DAB1: variants seen among roughly 807,000 people sequenced by gnomAD.
DAB1 encodes the protein disabled homolog 1.
In DAB1, 15 loss-of-function variants were observed where a neutral mutation model predicts 64.6. The observed-to-expected ratio is 0.23, with a 90% CI of 0.16 to 0.36. The LOEUF (loss-of-function observed/expected upper bound fraction) is 0.36, where lower values mean the gene tolerates loss of function less well. DAB1 is among the 10% of genes least tolerant of loss of function. The pLI is 1.00. For missense variants in DAB1, 596 were observed against 706.7 expected, an observed-to-expected ratio of 0.84 and a Z score of 1.78; for synonymous variants, 235 against 251.9, an observed-to-expected ratio of 0.93 and a Z score of 0.64.
intron 1 of DAB1, among the ~76,000 whole-genome samples, chr1:57,294,133 G>T (rs1673003369): frequency 6.6e-6 from 1 of 152,176 alleles, no homozygotes; most frequent in Admixed American, 6.5e-5. Flanking sequence ...TAATTAAGGA[G>T]ATTAAAGTCC....
At chr1:58,334,028 T>C in intron 4 of DAB1, among the ~76,000 whole-genome samples, 1 of 152,194 alleles carries the variant, frequency 6.6e-6, no homozygotes, top group Non-Finnish European at 1.5e-5. Flanking sequence ...TGTAATAAGA[T>C]CATATCTTCT....
In DAB1 at chr1:57,993,135, C is replaced by G. The variant is rs148731626; in HGVS notation, n.388-108973G>C. Among the ~76,000 whole-genome samples the G allele has an allele frequency of 8.5e-5, 13 of 152,186 alleles. No individual in the cohort carries two copies. In the East Asian group the frequency reaches 2.3e-3, roughly 27 times the overall value. Reference sequence around the variant, plus strand: ...ACTTAACACTTTCATGAGCACTTACCCTGAGCACAACACATTTAGGGTGAT... The same window carrying G: ...ACTTAACACTTTCATGAGCACTTACGCTGAGCACAACACATTTAGGGTGAT... On this transcript the variant is annotated intron_variant and non_coding_transcript_variant, in intron 5 of 20. Transcript: ENST00000485760.
At chr1:58,118,469 C>CATATATATATATAT (rs370100684) in intron 5 of DAB1, among the ~76,000 whole-genome samples, 11 of 22,036 alleles carry the variant, frequency 5.0e-4, no homozygotes, top group South Asian at 1.7e-3. Flanking sequence ...TATCCTAAGG[C>CATATATATATATAT]ATATATATAT....
At chr1:58,301,818 T>C (rs959378040) in intron 4 of DAB1, among the ~76,000 whole-genome samples, 1 of 152,186 alleles carries the variant, frequency 6.6e-6, no homozygotes, top group African/African-American at 2.4e-5. Context: ...AATCTTACTG[T>C]ACCTCAGATC....
intron 1 of DAB1, among the ~76,000 whole-genome samples, chr1:57,418,638 G>T (rs2991515): frequency 6.6e-6 from 1 of 151,792 alleles, no homozygotes; most frequent in Non-Finnish European, 1.5e-5. Flanking sequence ...CAAAATTTTC[G>T]TCATTTTAGC....
chr1:57,711,352 T>C (rs1647027171), intron 6 of DAB1, among the ~76,000 whole-genome samples: 1 of 152,238 alleles, frequency 6.6e-6, no homozygotes. Context: ...CAAAGGTGGT[T>C]TCAATCCCTC....
intron 2 of DAB1, among the ~76,000 whole-genome samples, chr1:57,273,104 G>A (rs1486999491): frequency 2.0e-5 from 3 of 152,168 alleles, no homozygotes; most frequent in Non-Finnish European, 4.4e-5. Flanking sequence ...TTGCCTATGT[G>A]GCATGGGCTG....
At chr1:57,749,083 T>A (rs1337093465) in intron 6 of DAB1, among the ~76,000 whole-genome samples, 1 of 152,204 alleles carries the variant, frequency 6.6e-6, no homozygotes, top group Non-Finnish European at 1.5e-5. Flanking sequence ...TGTTATGGAC[T>A]GAATATTCTC....
chr1:58,280,746 T>C (rs1267757883), intron 4 of DAB1, among the ~76,000 whole-genome samples: 1 of 152,182 alleles, frequency 6.6e-6, no homozygotes, highest in Non-Finnish European at 1.5e-5. Context: ...TGCCCTTGGA[T>C]CTTGCAGAAT....
rs181746645 is a variant in DAB1 at position 57,635,006 on chromosome 1, C to T, written n.625+14586G>A. Among the ~76,000 whole-genome samples, 13 of 152,178 alleles carry T rather than the reference C, an allele frequency of 8.5e-5. No individual in the cohort carries two copies. In the East Asian group the frequency reaches 9.7e-4, roughly 11 times the overall value. ...CTGGAGGACAGTCTAGGCAGAGGGACGGCCAGTTCAGCATCTCTGAGATGG... is the reference window on the plus strand; with the variant it reads ...CTGGAGGACAGTCTAGGCAGAGGGATGGCCAGTTCAGCATCTCTGAGATGG... On this transcript the variant is annotated intron_variant and non_coding_transcript_variant, in intron 7 of 20. Coordinates refer to the DAB1 transcript ENST00000485760.
intron 5 of DAB1, among the ~76,000 whole-genome samples, chr1:57,989,741 A>G (rs1037769676): frequency 6.6e-6 from 1 of 152,150 alleles, no homozygotes; most frequent in African/African-American, 2.4e-5. Context: ...AAAAAGATGC[A>G]CCAGGACATT....
chr1:57,490,611 GT>G (rs1163870715), intron 7 of DAB1, among the ~76,000 whole-genome samples: 1 of 152,038 alleles, frequency 6.6e-6, no homozygotes, highest in Non-Finnish European at 1.5e-5. Flanking sequence ...ACTTGTTCTG[GT>G]TTCAGTTTAC....
In DAB1 at chr1:58,501,912, C is replaced by T. The variant is rs186574040; in HGVS notation, n.257+4148G>A. Among the ~76,000 whole-genome samples, 676 of 152,112 alleles carry T rather than the reference C, an allele frequency of 4.4e-3. 2 individuals are homozygous for T. Among genetic ancestry groups the T allele is most frequent in the Middle Eastern group, 0.014 (4 of 294 alleles). On this transcript the variant is annotated intron_variant and non_coding_transcript_variant, in intron 3 of 20. Coordinates refer to the DAB1 transcript ENST00000485760. ...ATAAAAAGAGACATAAGAGAGCTGC[C>T]TCTCCCTCCTCACTGCCCCCCACTC...
At chr1:57,246,147 T>G (rs1267594313) in intron 2 of DAB1, among the ~76,000 whole-genome samples, 1 of 152,158 alleles carries the variant, frequency 6.6e-6, no homozygotes, top group African/African-American at 2.4e-5. Flanking sequence ...TTAACAGCCA[T>G]GATAATGGGG....
chr1:58,498,693 T>C (rs1419445293), intron 3 of DAB1, among the ~76,000 whole-genome samples: 1 of 152,220 alleles, frequency 6.6e-6, no homozygotes, highest in Non-Finnish European at 1.5e-5. Flanking sequence ...TTGAATTCTC[T>C]TTTGAACTAG....
chr1:58,127,272 T>C (rs1157911703), intron 5 of DAB1, among the ~76,000 whole-genome samples: 3 of 152,256 alleles, frequency 2.0e-5, no homozygotes, highest in South Asian at 4.1e-4. Context: ...GAGAAGTGTC[T>C]GTTCATGTTC....
At chr1:57,826,732 T>A (rs1652367029) in intron 1 of DAB1, among the ~76,000 whole-genome samples, 1 of 152,138 alleles carries the variant, frequency 6.6e-6, no homozygotes, top group Admixed American at 6.5e-5. Context: ...CCCAGAGCAA[T>A]ACTGGCAGCA....
At chr1:57,801,743 G>A (rs745908717) in intron 6 of DAB1, among the ~76,000 whole-genome samples, 7 of 151,816 alleles carry the variant, frequency 4.6e-5, no homozygotes, top group East Asian at 1.9e-4. Context: ...CTGCAGCCTC[G>A]ACTTCCTGGG....
intron 3 of DAB1, among the ~76,000 whole-genome samples, chr1:58,436,265 T>C (rs948379383): frequency 6.6e-6 from 1 of 152,202 alleles, no homozygotes; most frequent in Non-Finnish European, 1.5e-5. Context: ...AAGCATTATC[T>C]AATATAATTC....
Sources: gnomAD v4.1 joint callset for allele counts (sites outside exome capture counted in the v4.1 genomes callset) on GRCh38, gnomAD v4.1.1 for gene constraint, MANE v1.5 for transcripts, NCBI Gene and HGNC (gene_info 2026-07-23, HGNC 2026-07-21) for gene names.